Variants in TEX9 observed in about 807,000 individuals in gnomAD.
The protein encoded by TEX9 is testis expressed 9.
A neutral mutation model predicts 59.6 loss-of-function variants in TEX9; 74 were observed. That is an observed-to-expected ratio of 1.24 (90% confidence interval 1.03 to 1.51). TEX9 has a LOEUF of 1.51. Ranked by LOEUF, TEX9 falls within the 40% of genes most tolerant of loss-of-function variation. The pLI is 0.00. For missense variants in TEX9, 522 were observed against 447.8 expected (o/e 1.17, Z -1.49); for synonymous variants, 186 against 152.2 (o/e 1.22, Z -1.64).
At chr15:56,337,034 C>T (rs537013981) in intron 1 of TEX9, among the ~76,000 whole-genome samples, 35 of 152,266 alleles carry the variant, frequency 2.3e-4, no homozygotes, top group Non-Finnish European at 3.8e-4. Context: ...CAGCTTGTAT[C>T]CTCTTGCTTC....
intron 1 of TEX9, among the ~76,000 whole-genome samples, chr15:56,302,732 G>A (rs549331023): frequency 5.0e-4 from 76 of 152,250 alleles, no homozygotes; most frequent in African/African-American, 1.7e-3. Context: ...AATGTAGATA[G>A]ACTAAAGTCT....
At chr15:56,329,200 T>C (rs1162963356) in intron 1 of TEX9, among the ~76,000 whole-genome samples, 1 of 152,114 alleles carries the variant, frequency 6.6e-6, no homozygotes, top group African/African-American at 2.4e-5. Flanking sequence ...TCTCTGTGAG[T>C]CTAGAAGAAC....
chr15:56,346,716 G>T (rs1245634210), intron 1 of TEX9, among the ~76,000 whole-genome samples: 2 of 151,452 alleles, frequency 1.3e-5, no homozygotes, highest in African/African-American at 2.4e-5. Context: ...TCAACATAAT[G>T]TGGAAAGTCT....
chr15:56,323,475 G>T, intron 1 of TEX9: 1 of 185,932 alleles, frequency 5.4e-6, no homozygotes, highest in South Asian at 1.2e-4. Flanking sequence ...CAAAGGAACT[G>T]GGAGAGATGT....
intron 1 of TEX9, among the ~76,000 whole-genome samples, chr15:56,326,803 CTA>C (rs1391090545): frequency 6.6e-6 from 1 of 152,048 alleles, no homozygotes; most frequent in Non-Finnish European, 1.5e-5. Context: ...ACATGCAGAG[CTA>C]TATTCCACAA....
At chr15:56,450,071 TC>T (rs1409240302), downstream of TEX9, among the ~76,000 whole-genome samples, 1 of 152,202 alleles carries the variant, frequency 6.6e-6, no homozygotes, top group Non-Finnish European at 1.5e-5. Flanking sequence ...ATTATTGCCT[TC>T]CTCCTACCTT....
chr15:56,269,948 G>A (rs1307828556), intron 1 of TEX9, among the ~76,000 whole-genome samples: 6 of 152,122 alleles, frequency 3.9e-5, no homozygotes, highest in African/African-American at 1.2e-4. Flanking sequence ...GAGCCACCGC[G>A]CCCGGCCCTG....
At chr15:56,421,791 T>C (rs1428832646) in intron 10 of TEX9, 1 of 151,712 alleles carries the variant, frequency 6.6e-6, no homozygotes, top group Non-Finnish European at 1.5e-5. Context: ...ACAAAGGACA[T>C]GAACTCATCA....
intron 1 of TEX9, among the ~76,000 whole-genome samples, chr15:56,250,196 C>G (rs1255826314): frequency 6.6e-6 from 1 of 152,142 alleles, no homozygotes; most frequent in Non-Finnish European, 1.5e-5. Flanking sequence ...ATTTATACTT[C>G]CTAGTGGTGG....
At chr15:56,453,193 C>T in the TEX9 span, among the ~76,000 whole-genome samples, 1 of 152,102 alleles carries the variant, frequency 6.6e-6, no homozygotes, top group African/African-American at 2.4e-5. Flanking sequence ...TAACTCTTTA[C>T]ATATTTTAAT....
At chr15:56,432,733 G>C (rs2050630580) in intron 12 of TEX9, among the ~76,000 whole-genome samples, 2 of 152,102 alleles carry the variant, frequency 1.3e-5, no homozygotes, top group Admixed American at 1.3e-4. Flanking sequence ...GTACTAACCA[G>C]GCCTGATCCT....
At chr15:56,263,838 G>C (rs1178414486) in intron 1 of TEX9, among the ~76,000 whole-genome samples, 7 of 152,102 alleles carry the variant, frequency 4.6e-5, no homozygotes, top group African/African-American at 1.7e-4. Context: ...CTTTTATGTA[G>C]AATTATACAT....
chr15:56,424,209 C>T (rs1462894159), intron 10 of TEX9, among the ~76,000 whole-genome samples: 1 of 152,044 alleles, frequency 6.6e-6, no homozygotes, highest in Non-Finnish European at 1.5e-5. Context: ...TGAACTGGCC[C>T]TTTTGTTTGG....
At chr15:56,444,680 T>C (rs189338493) in intron 12 of TEX9, 15 of 1,605,118 alleles carry the variant, frequency 9.3e-6, no homozygotes, top group Admixed American at 6.8e-5. Flanking sequence ...GTTTCTGTTA[T>C]TAAAACAAAA....
At chr15:56,341,180 T>C (rs186229388) in intron 1 of TEX9, among the ~76,000 whole-genome samples, 7 of 152,274 alleles carry the variant, frequency 4.6e-5, no homozygotes, top group Admixed American at 4.6e-4. Context: ...TGGCTTTGAA[T>C]TGATGAGCAA....
the TEX9 span, among the ~76,000 whole-genome samples, chr15:56,451,624 T>C: frequency 3.0e-3 from 454 of 152,210 alleles, 3 homozygotes; most frequent in African/African-American, 0.01. Context: ...TTAAAAATAC[T>C]TTCTAATTTC....
At chr15:56,316,148 G>C (rs371208563) in intron 1 of TEX9, among the ~76,000 whole-genome samples, 1 of 145,148 alleles carries the variant, frequency 6.9e-6, no homozygotes, top group Admixed American at 7.1e-5. Context: ...TCTTCTCTCA[G>C]CTCGTCAAAG....
chr15:56,272,225 CA>C (rs764473849), intron 1 of TEX9, among the ~76,000 whole-genome samples: 5 of 152,078 alleles, frequency 3.3e-5, no homozygotes, highest in Non-Finnish European at 7.4e-5. Flanking sequence ...AATACCAGAA[CA>C]TTTCCATCGC....
At chr15:56,405,165 G>A (rs1266572213) in intron 9 of TEX9, among the ~76,000 whole-genome samples, 10 of 152,126 alleles carry the variant, frequency 6.6e-5, no homozygotes, top group East Asian at 3.9e-4. Flanking sequence ...AAAGCCGGGC[G>A]TGGTGGTGGG....
Sources: gnomAD v4.1 joint callset for allele counts (sites outside exome capture counted in the v4.1 genomes callset) on GRCh38, gnomAD v4.1.1 for gene constraint, MANE v1.5 for transcripts, NCBI Gene and HGNC (gene_info 2026-07-23, HGNC 2026-07-21) for gene names.